The following WDR7 variants were observed in gnomAD, a reference collection of about 807,000 sequenced individuals.
The protein encoded by WDR7 is WD repeat domain 7.
A neutral mutation model predicts 169.4 loss-of-function variants in WDR7; 46 were observed. The observed-to-expected ratio is 0.27, with a 90% CI of 0.21 to 0.35. WDR7 has a LOEUF of 0.35. WDR7 is among the 10% of genes least tolerant of loss of function. The pLI, the probability that WDR7 is intolerant of heterozygous loss-of-function variation, is 1.00. For synonymous variants in WDR7, 612 were observed against 666.8 expected (o/e 0.92, Z 1.27); for missense variants, 1,534 against 1,859.3 (o/e 0.83, Z 3.22).
At chr18:56,652,402 T>G (rs1490425427) in intron 1 of WDR7, among the ~76,000 whole-genome samples, 2 of 152,180 alleles carry the variant, frequency 1.3e-5, no homozygotes, top group African/African-American at 4.8e-5. Context: ...TGTCTTAGGA[T>G]TTTATGGGCA....
At chr18:56,849,069 A>G (rs916820083) in intron 20 of WDR7, among the ~76,000 whole-genome samples, 6 of 152,130 alleles carry the variant, frequency 3.9e-5, no homozygotes, top group African/African-American at 1.4e-4. Context: ...TTAAAATTGC[A>G]ATGTCTTCTC....
chr18:56,935,878 C>T lies in WDR7; in HGVS notation c.3804C>T (p.Pro1268=), dbSNP rs756159478. Reference sequence around the variant, plus strand: ...CGCTCATTGCCACCGCCAGACCACCCGCCTTCATCACCACCATAGCCAAAG... The same window carrying T: ...CGCTCATTGCCACCGCCAGACCACCTGCCTTCATCACCACCATAGCCAAAG... ...ALSLIATARP[P]AFITTIAKEV... Residue 1268 remains proline, a synonymous_variant, in exon 23 of 28, where the codon CCC becomes CCT. Transcript: ENST00000254442. 39 of 1,614,000 alleles carry T rather than the reference C, an allele frequency of 2.4e-5. No homozygotes were observed. The highest frequency in any genetic ancestry group is 4.0e-5 in the African/African-American group (3 of 74,926).
intron 13 of WDR7, among the ~76,000 whole-genome samples, chr18:56,727,918 G>T (rs758691777): frequency 6.6e-6 from 1 of 152,122 alleles, no homozygotes; most frequent in Non-Finnish European, 1.5e-5. Context: ...ACTGCAAAAA[G>T]ATCCAGATTA....
intron 21 of WDR7, among the ~76,000 whole-genome samples, chr18:56,919,994 G>A (rs147740642): frequency 1.3e-5 from 2 of 152,184 alleles, no homozygotes; most frequent in East Asian, 3.9e-4. Context: ...CCTTTGTCCT[G>A]GAGCTGTAAT....
chr18:56,681,445 A>C, intron 4 of WDR7, 54 bp downstream of exon 4: 1 of 1,159,948 alleles, frequency 8.6e-7, no homozygotes, highest in Non-Finnish European at 1.2e-6. Flanking sequence ...TATATAATTT[A>C]AAATATTTTT....
At chr18:56,780,303 G>A (rs1408445370) in intron 18 of WDR7, among the ~76,000 whole-genome samples, 1 of 152,116 alleles carries the variant, frequency 6.6e-6, no homozygotes, top group Non-Finnish European at 1.5e-5. Context: ...TATAGCCATA[G>A]CAGTTTATAT....
At chr18:56,909,946 C>T (rs1208077368) in intron 21 of WDR7, among the ~76,000 whole-genome samples, 1 of 152,080 alleles carries the variant, frequency 6.6e-6, no homozygotes, top group Non-Finnish European at 1.5e-5. Context: ...TGAAATTGCT[C>T]AGCCTGAAAA....
chr18:56,656,472 G>T (rs533849464), intron 1 of WDR7, among the ~76,000 whole-genome samples: 1 of 151,798 alleles, frequency 6.6e-6, no homozygotes, highest in South Asian at 2.1e-4. Flanking sequence ...TAGAGATGGG[G>T]TTTTACCATG....
chr18:56,729,806 TA>T (rs955321155), intron 13 of WDR7, among the ~76,000 whole-genome samples: 11 of 152,182 alleles, frequency 7.2e-5, no homozygotes, highest in African/African-American at 2.2e-4. Context: ...TAGAATTTGT[TA>T]AAAAAATTAC....
At chr18:56,760,566 C>G (rs1021895952) in intron 16 of WDR7, among the ~76,000 whole-genome samples, 1 of 152,112 alleles carries the variant, frequency 6.6e-6, no homozygotes, top group Non-Finnish European at 1.5e-5. Context: ...ACAGTTTATT[C>G]TCTTTTTTTG....
chr18:56,687,966 A>G (rs1057342287), intron 7 of WDR7, among the ~76,000 whole-genome samples: 32 of 152,296 alleles, frequency 2.1e-4, no homozygotes, highest in African/African-American at 7.2e-4. Flanking sequence ...AATGCAACCT[A>G]TACTCAGGGG....
chr18:56,700,546 C>A (rs547193921), intron 12 of WDR7, among the ~76,000 whole-genome samples: 1 of 138,498 alleles, frequency 7.2e-6, no homozygotes, highest in South Asian at 2.3e-4. Context: ...TGAGCCACTG[C>A]GCCTGGCCAA....
chr18:56,882,671 G>T (rs968474911), intron 21 of WDR7, among the ~76,000 whole-genome samples: 10 of 152,138 alleles, frequency 6.6e-5, no homozygotes, highest in Non-Finnish European at 1.3e-4. Flanking sequence ...AGCAAATTTA[G>T]CACCCAGAAA....
At chr18:56,729,691 T>A (rs1005793282) in intron 13 of WDR7, among the ~76,000 whole-genome samples, 2 of 152,124 alleles carry the variant, frequency 1.3e-5, no homozygotes, top group Non-Finnish European at 2.9e-5. Context: ...ATTAAGACAT[T>A]TATAACCCAA....
intron 12 of WDR7, among the ~76,000 whole-genome samples, chr18:56,700,982 G>T (rs1380943875): frequency 6.6e-6 from 1 of 152,170 alleles, no homozygotes; most frequent in Non-Finnish European, 1.5e-5. Context: ...GAATTAAAAT[G>T]TAAGAAAATT....
At chr18:56,845,327 T>C (rs2045552230) in intron 20 of WDR7, among the ~76,000 whole-genome samples, 1 of 152,110 alleles carries the variant, frequency 6.6e-6, no homozygotes, top group African/African-American at 2.4e-5. Context: ...ATTTTGAGTA[T>C]TTTTTAATTT....
intron 6 of WDR7, among the ~76,000 whole-genome samples, chr18:56,686,318 C>A (rs9945415): frequency 0.014 from 2,160 of 151,920 alleles, 43 homozygotes; most frequent in African/African-American, 0.048. Context: ...TTCTCCTCAA[C>A]TGCTTCTGTT....
intron 19 of WDR7, among the ~76,000 whole-genome samples, chr18:56,786,136 C>G (rs1305281287): frequency 6.6e-6 from 1 of 152,016 alleles, no homozygotes; most frequent in Non-Finnish European, 1.5e-5. Context: ...TTTATATTGC[C>G]CAGGGATTCT....
At position 56,740,715 on chromosome 18, in the gene WDR7, G is replaced by T. The variant is rs1599006655; in HGVS notation, c.1989+9118G>T. Among the ~76,000 whole-genome samples, 9 of 152,218 alleles carry T rather than the reference G, an allele frequency of 5.9e-5. 1 individual carries two copies. The South Asian group carries it at 1.9e-3, about 32-fold the overall frequency. ...AATATTTAACGGGGTTCTTTTGCTT[G>T]TTGAGTCCTGAATCCTACTTCTTAT... On this transcript the variant is annotated intron_variant, in intron 14 of 27. Coordinates refer to ENST00000254442, the MANE Select transcript of WDR7 (RefSeq NM_015285.3).
Sources: gnomAD v4.1 joint callset for allele counts (sites outside exome capture counted in the v4.1 genomes callset) on GRCh38, gnomAD v4.1.1 for gene constraint, MANE v1.5 for transcripts, NCBI Gene and HGNC (gene_info 2026-07-23, HGNC 2026-07-21) for gene names.